Variants in PSMD5 observed in about 807,000 individuals in gnomAD.
The protein encoded by PSMD5 is proteasome 26S subunit, non-ATPase 5.
In PSMD5, 40 loss-of-function variants were observed where a neutral mutation model predicts 52.1. The observed-to-expected ratio is 0.77, with a 90% CI of 0.60 to 1.00. The LOEUF is 1.00. PSMD5 is among the 50% of genes least tolerant of loss of function. The pLI is 0.00. For synonymous variants in PSMD5, 211 were observed against 226.6 expected (o/e 0.93, Z 0.62); for missense variants, 575 against 605.2 (o/e 0.95, Z 0.52).
rs1440838757 is a variant in PSMD5 at position 120,816,984 on chromosome 9, A to G, written c.*922T>C. ...GGAATCCTTCTGATCCCCCAAAACCACAACAGGGCAAAGTTCATTGGTAAA... is the reference window on the plus strand; with the variant it reads ...GGAATCCTTCTGATCCCCCAAAACCGCAACAGGGCAAAGTTCATTGGTAAA... On this transcript the variant is annotated 3_prime_UTR_variant, in exon 10 of 10. Coordinates refer to ENST00000210313, the MANE Select transcript of PSMD5 (RefSeq NM_005047.4). 6.6e-6 allele frequency: 1 copy of G among 152,236 alleles called. No homozygotes were observed. Among genetic ancestry groups the G allele is most frequent in the African/African-American group, 2.4e-5 (1 of 41,462 alleles). 9.4% of individuals were successfully genotyped at this position (152,236 alleles called of 1,614,324 possible). A position where few individuals can be genotyped will look rare whatever the true frequency, so the allele number is the denominator to read the frequency against.
intron 8 of PSMD5, 51 bp from the exon 9 acceptor site, chr9:120,821,030 A>G: frequency 6.6e-7 from 1 of 1,518,628 alleles, no homozygotes; most frequent in Non-Finnish European, 8.8e-7. Flanking sequence ...ATCTGGAGAA[A>G]AGCACTTATT....
chr9:120,837,247 C>T (rs1044492910), intron 1 of PSMD5, among the ~76,000 whole-genome samples: 2 of 152,210 alleles, frequency 1.3e-5, no homozygotes, highest in African/African-American at 4.8e-5. Context: ...TGGTCTGAAA[C>T]TCCTGACCTC....
chr9:120,832,836 GGAT>G (rs34981224), intron 2 of PSMD5, among the ~76,000 whole-genome samples: 18,240 of 152,254 alleles, frequency 0.12, 1,258 homozygotes, highest in Middle Eastern at 0.17. Flanking sequence ...TTGGTTACCA[GGAT>G]GATAAGAGTT....
intron 7 of PSMD5, among the ~76,000 whole-genome samples, chr9:120,822,426 A>G (rs1328949091): frequency 6.6e-6 from 1 of 152,266 alleles, no homozygotes; most frequent in Non-Finnish European, 1.5e-5. Flanking sequence ...ATGACAATGT[A>G]TGTTCTTTGC....
chr9:120,840,280 GT>G (rs1554813921), intron 1 of PSMD5, among the ~76,000 whole-genome samples: 12 of 150,916 alleles, frequency 8.0e-5, no homozygotes, highest in Non-Finnish European at 1.8e-4. Flanking sequence ...CGCACGCCCA[GT>G]TAATTTTTTG....
chr9:120,841,354 C>A (rs1588074242), intron 1 of PSMD5, among the ~76,000 whole-genome samples: 1 of 151,920 alleles, frequency 6.6e-6, no homozygotes, highest in Non-Finnish European at 1.5e-5. Context: ...CCGAGGCGGG[C>A]GGATCACGAG....
intron 1 of PSMD5, among the ~76,000 whole-genome samples, chr9:120,839,536 T>A (rs890358070): frequency 2.0e-5 from 3 of 152,124 alleles, no homozygotes; most frequent in African/African-American, 7.2e-5. Flanking sequence ...ACCCAAATAA[T>A]GTTAACTGAT....
At chr9:120,831,776 T>C in intron 3 of PSMD5, 56 bp downstream of exon 3, 1 of 1,563,802 alleles carries the variant, frequency 6.4e-7, no homozygotes. Context: ...CCTTTCTTTA[T>C]CTTTTGGGAC....
At chr9:120,821,492 T>G (rs760076749) in intron 7 of PSMD5, 28 bp from the exon 8 acceptor site, 3 of 1,438,012 alleles carry the variant, frequency 2.1e-6, no homozygotes, top group Non-Finnish European at 2.9e-6. Context: ...GAGATTCTTC[T>G]TTATTATGGT....
In PSMD5 at chr9:120,831,419, C is replaced by A. The variant is rs2045159043; in HGVS notation, c.473G>T (p.Gly158Val). Residue 158 changes from glycine (G) to valine (V), a missense_variant, in exon 4 of 10, where the codon GGA becomes GTA. Gly to Val is a moderately radical substitution (Grantham distance 109). Transcript: ENST00000210313. The stretch of plus-strand genomic sequence containing the variant: ...ATTGCTTTCAAATAAAGCCTCCAGT[C>A]CAGCTTGGGTTAGTGATATTCTTGA... ...SLSRISLTQA[G>V]LEALFESNLL... 2 of 1,612,166 alleles carry A rather than the reference C, an allele frequency of 1.2e-6. No homozygotes were observed. Among genetic ancestry groups the A allele is most frequent in the Non-Finnish European group, 1.7e-6 (2 of 1,179,444 alleles).
intron 6 of PSMD5, 122 bp from the exon 7 acceptor site, chr9:120,824,807 G>A: frequency 1.3e-6 from 1 of 794,372 alleles, no homozygotes; most frequent in Middle Eastern, 2.3e-4. Flanking sequence ...GGTTAGAGTA[G>A]TGTGTTGCCT....
rs41273390 is a variant in PSMD5, at chr9:120,817,596, G to A, written c.*310C>T. The A allele has an allele frequency of 1.5e-3, 415 of 280,022 alleles. 1 individual carries two copies. The highest frequency in any genetic ancestry group is 2.4e-3 in the Non-Finnish European group (351 of 147,894). The allele number at this position is 280,022 out of a possible 1,614,324, so 17.3% of individuals were successfully genotyped here. A position where few individuals can be genotyped will look rare whatever the true frequency, so the allele number is the denominator to read the frequency against. On this transcript the variant is annotated 3_prime_UTR_variant, in exon 10 of 10. Transcript: ENST00000210313. The stretch of plus-strand genomic sequence containing the variant: ...CTGAAGCAGGCTTTTAGATAAGATT[G>A]CATGTCCATGAAAATTTTGAGGGAA...
At position 120,837,565 on chromosome 9, in the gene PSMD5, A is replaced by AT. The variant is rs927410880; in HGVS notation, c.174-4110dup. Among the ~76,000 whole-genome samples the AT allele has an allele frequency of 4.9e-4, 74 of 151,108 alleles. 2 individuals carry two copies. Among genetic ancestry groups the AT allele is most frequent in the African/African-American group, 1.3e-3 (54 of 41,266 alleles). ...AAGTCTGTTTAACTCAAAGTCATAC[A>AT]TTTTTTTTTCCTGTTTTCTTCTAGA... is the stretch of plus-strand genomic sequence containing the variant. On this transcript the variant is annotated intron_variant, in intron 1 of 9. Transcript: ENST00000210313.
At chr9:120,833,249 G>A in intron 2 of PSMD5, 63 bp downstream of exon 2, 2 of 1,531,838 alleles carry the variant, frequency 1.3e-6, no homozygotes, top group Non-Finnish European at 1.8e-6. Context: ...TCATCTTTCT[G>A]TCCCAGTGCA....
chr9:120,838,901 C>T (rs557704674), intron 1 of PSMD5, among the ~76,000 whole-genome samples: 4 of 152,116 alleles, frequency 2.6e-5, no homozygotes, highest in Admixed American at 6.5e-5. Context: ...GAACAAAATG[C>T]GGTCACTGCC....
At chr9:120,823,684 G>T (rs1365496146) in intron 7 of PSMD5, among the ~76,000 whole-genome samples, 1 of 151,574 alleles carries the variant, frequency 6.6e-6, no homozygotes, top group Non-Finnish European at 1.5e-5. Flanking sequence ...GTTAATTTTT[G>T]TATTCTTGAG....
At chr9:120,832,046 G>C in intron 2 of PSMD5, 101 bp from the exon 3 acceptor site, 1 of 1,495,942 alleles carries the variant, frequency 6.7e-7, no homozygotes, top group Non-Finnish European at 8.9e-7. Context: ...TTAGGAGTTA[G>C]TGATCACAGC....
Position 120,824,534 on chromosome 9 carries a change from C to G in PSMD5, c.966G>C (p.Leu322Phe). ...CCTGTTTTCCTTCAACATTGGATCC[C>G]AAGATTCCAACTGTGTCTACAGCTA... ...IGVAVDTVGI[L>F]GSNVEGKQVL... Residue 322 changes from leucine (L) to phenylalanine (F), a missense_variant, in exon 7 of 10, where the codon TTG becomes TTC. Coordinates refer to ENST00000210313, the MANE Select transcript of PSMD5 (RefSeq NM_005047.4). 1 of 1,614,112 alleles carries G rather than the reference C, an allele frequency of 6.2e-7. No individual in the cohort carries two copies. Among genetic ancestry groups the G allele is most frequent in the Non-Finnish European group, 8.5e-7 (1 of 1,180,016 alleles).
chr9:120,842,003 A>T (rs142196993), intron 1 of PSMD5: 1 of 152,164 alleles, frequency 6.6e-6, no homozygotes, highest in East Asian at 1.9e-4. Flanking sequence ...ATTCCTTTAA[A>T]CTCTCATCTG....
Sources: allele counts gnomAD v4.1 joint callset (sites outside exome capture counted in the v4.1 genomes callset), GRCh38; gene constraint gnomAD v4.1.1; transcripts MANE v1.5; gene names NCBI Gene and HGNC (gene_info 2026-07-23, HGNC 2026-07-21).